Variants in AURKB observed in about 807,000 individuals in gnomAD.
AURKB encodes aurora kinase B-Sv1.
A neutral mutation model predicts 36.5 loss-of-function variants in AURKB; 28 were observed. The ratio of observed to expected loss-of-function variants is 0.77; its 90% CI spans 0.57 to 1.05. The LOEUF (loss-of-function observed/expected upper bound fraction) is 1.05. Among genes scored for constraint, AURKB ranks in the 50% least tolerant of loss-of-function variants. The pLI, the probability that AURKB is intolerant of heterozygous loss-of-function variation, is 0.00. For missense variants in AURKB, 383 were observed against 447.4 expected (o/e 0.86, Z 1.30); for synonymous variants, 175 against 172.9 (o/e 1.01, Z -0.09).
rs774869004 is a variant in AURKB, at chr17:8,204,845, C to T, written c.*26G>A. On this transcript the variant is annotated 3_prime_UTR_variant, in exon 9 of 9. Transcript: ENST00000585124. ...ATACATACACAGACATACAAACACA[C>T]GCACCCGAGTGAATGACAGGGACCA... 33 of 1,610,792 alleles carry T rather than the reference C, an allele frequency of 2.0e-5. No homozygotes were observed. The highest frequency in any genetic ancestry group is 8.5e-5 in the Admixed American group (5 of 58,774).
chr17:8,210,273 G>T, intron 1 of AURKB, 24 bp from the exon 2 acceptor site: 1 of 1,485,524 alleles, frequency 6.7e-7, no homozygotes, highest in Non-Finnish European at 9.3e-7. Flanking sequence ...GGAAACAGCC[G>T]TGAGAAGCAG....
rs1248293412 is a variant in AURKB at position 8,206,708 on chromosome 17, T to A, written c.537+42A>T. On this transcript the variant is annotated intron_variant, in intron 6 of 8. Transcript: ENST00000585124. This position sits in a 1 kb window ranked among gnomAD's most constrained non-coding sequence, Gnocchi z 4.2. Reference sequence around the variant, plus strand: ...AGCTACAAGCAGCACACCCTCAGCCTCGAGCCCCCTACTGGCGCCCCAGGT... The same window carrying A: ...AGCTACAAGCAGCACACCCTCAGCCACGAGCCCCCTACTGGCGCCCCAGGT... 5.6e-6 allele frequency: 9 copies of A among 1,612,848 alleles called. No homozygotes were observed. The highest frequency in any genetic ancestry group is 1.7e-5 in the Admixed American group (1 of 59,996).
rs758063733 is a variant in AURKB, at chr17:8,204,957, G to A, written c.949C>T (p.Pro317Ser). Residue 317 changes from proline (P) to serine (S), a missense_variant, in exon 9 of 9, where the codon CCC becomes TCC. This residue lies in a region of AURKB where 219 missense variants were observed against 252.6 expected (regional missense o/e 0.87). Coordinates refer to ENST00000585124, the MANE Select transcript of AURKB (RefSeq NM_004217.4). ...LLRHNPSERL[P>S]LAQVSAHPWV... is the part of the protein sequence containing the mutation. ...GGGTGGGCTGAGACCTGGGCCAGGGGCAGCCGTTCCGAGGGGTTATGCCTG... is the reference window on the plus strand; with the variant it reads ...GGGTGGGCTGAGACCTGGGCCAGGGACAGCCGTTCCGAGGGGTTATGCCTG... The A allele has an allele frequency of 6.2e-7, 1 of 1,610,254 alleles. No individual in the cohort carries two copies.
chr17:8,205,420 T>C, intron 7 of AURKB, 30 bp from the exon 8 acceptor site: 1 of 1,608,588 alleles, frequency 6.2e-7, no homozygotes, highest in Non-Finnish European at 8.5e-7. Context: ...TGGGCAGGGG[T>C]CCTAGTGACA....
intron 1 of AURKB, 53 bp downstream of exon 1, chr17:8,210,477 C>G (rs1985955872): frequency 1.9e-6 from 1 of 530,762 alleles, no homozygotes; most frequent in Non-Finnish European, 3.3e-6. Flanking sequence ...CTCTGATCTA[C>G]CTGATCATCT....
chr17:8,210,144 A>G (rs1364260545), intron 2 of AURKB, 33 bp downstream of exon 2: 1 of 1,612,180 alleles, frequency 6.2e-7, no homozygotes, highest in African/African-American at 1.3e-5. Flanking sequence ...ATGCGGGGTC[A>G]TGGGGGCGCA....
At position 8,207,727 on chromosome 17, in the gene AURKB, G is replaced by A; in HGVS notation, c.151+11C>T. 1.9e-6 allele frequency: 3 copies of A among 1,613,984 alleles called. No homozygotes were observed. The highest frequency in any genetic ancestry group is 1.1e-5 in the South Asian group (1 of 91,080). On this transcript the variant is annotated intron_variant, in intron 3 of 8. Transcript: ENST00000585124. ...TCCCCAGCTCAGTCCTCTCCCCCTT[G>A]CGCCAGTTACCTGTGGGCTGGACAT...
At chr17:8,208,620 ATAAATAAATAAAAAAT>A (rs1266057156) in intron 2 of AURKB, among the ~76,000 whole-genome samples, 5 of 148,562 alleles carry the variant, frequency 3.4e-5, no homozygotes, top group African/African-American at 1.0e-4. Flanking sequence ...AAATAAATAA[ATAAATAAATAAAAAAT>A]AAATAACCTA....
chr17:8,205,263 G>C lies in AURKB; in HGVS notation c.814C>G (p.Pro272Ala). The change falls in exon 8 of 9, where the codon CCC becomes GCC. Residue 272 changes from proline to alanine, a missense_variant. Coordinates refer to ENST00000585124, the MANE Select transcript of AURKB (RefSeq NM_004217.4). The part of the protein sequence containing the change: ...LCYELLVGNP[P>A]FESASHNETY... Reference sequence around the variant, plus strand: ...TCGTTGTGTGATGCACTCTCAAAGGGTGGGTTCCCCACCAGCAGCTCATAG... The same window carrying C: ...TCGTTGTGTGATGCACTCTCAAAGGCTGGGTTCCCCACCAGCAGCTCATAG... The C allele has an allele frequency of 1.2e-6, 2 of 1,614,150 alleles. No individual in the cohort carries two copies. Among genetic ancestry groups the C allele is most frequent in the Non-Finnish European group, 1.7e-6 (2 of 1,180,020 alleles).
In AURKB at chr17:8,205,407, G is replaced by A. The variant is rs1389585894; in HGVS notation, c.687-17C>T. Reference sequence around the variant, plus strand: ...GTCTTCCTCCTGGGAGGGATAAGGGGCGTGGGCAGGGGTCCTAGTGACATA... The same window carrying A: ...GTCTTCCTCCTGGGAGGGATAAGGGACGTGGGCAGGGGTCCTAGTGACATA... On this transcript the variant is annotated splice_polypyrimidine_tract_variant and intron_variant, in intron 7 of 8. Coordinates refer to ENST00000585124, the MANE Select transcript of AURKB (RefSeq NM_004217.4). The A allele has an allele frequency of 1.9e-6, 3 of 1,612,742 alleles. No homozygotes were observed. The highest frequency in any genetic ancestry group is 2.2e-5 in the South Asian group (2 of 90,958).
In AURKB at chr17:8,207,751, A is replaced by G. The variant is rs1212992527; in HGVS notation, c.138T>C (p.Asn46=). 8.7e-6 allele frequency: 14 copies of G among 1,613,950 alleles called. No individual in the cohort carries two copies. In the East Asian group the frequency reaches 2.0e-4, roughly 23 times the overall value. ...PSALVLMSRS[N]VQPTAAPGQK... is the part of the protein sequence containing the mutation. ...TGCGCCAGTTACCTGTGGGCTGGAC[A>G]TTGGAGCGGCTCATGAGGACAAGTG... The change falls in exon 3 of 9, where the codon AAT becomes AAC. Residue 46 remains asparagine (N), a synonymous_variant. Transcript: ENST00000585124.
chr17:8,205,533 G>C lies in AURKB; in HGVS notation c.687-143C>G. 7.0e-6 allele frequency: 7 copies of C among 1,003,780 alleles called. No individual in the cohort carries two copies. In the South Asian group the frequency reaches 1.1e-4, roughly 16 times the overall value. The allele number at this position is 1,003,780 out of a possible 1,614,324, so 62.2% of individuals were successfully genotyped here. A position where few individuals can be genotyped will look rare whatever the true frequency, so the allele number is the denominator to read the frequency against. ...AGGCAAGGCCACTGGAGTGGGGGTG[G>C]GGTTGGGGTGATGATATATCCCAAA... On this transcript the variant is annotated intron_variant, in intron 7 of 8. Transcript: ENST00000585124.
At chr17:8,207,147 G>A (rs1489517713) in intron 5 of AURKB, 29 bp downstream of exon 5, 1 of 1,597,218 alleles carries the variant, frequency 6.3e-7, no homozygotes, top group Non-Finnish European at 8.6e-7. Flanking sequence ...GAGCAGAGGG[G>A]CTTCGGCTCA....
At chr17:8,209,944 A>T (rs1213441779) in intron 2 of AURKB, 1 of 606,366 alleles carries the variant, frequency 1.6e-6, no homozygotes, top group Non-Finnish European at 2.9e-6. Flanking sequence ...AGCCCTGCAG[A>T]GGTCCTCACC....
intron 4 of AURKB, 61 bp from the exon 5 acceptor site, chr17:8,207,428 T>A (rs1985477681): frequency 1.3e-6 from 2 of 1,578,276 alleles, no homozygotes; most frequent in Non-Finnish European, 1.7e-6. Context: ...AGGTTTGCTT[T>A]CTCTCTGCTT....
chr17:8,209,919 C>G lies in AURKB; in HGVS notation c.48+258G>C. On this transcript the variant is annotated intron_variant, in intron 2 of 8. Coordinates refer to ENST00000585124, the MANE Select transcript of AURKB (RefSeq NM_004217.4). ...GCCCTGCCTGCTCAGTCCCAGATAT[C>G]ATTTGTATGTGACGAGCCCTGCAGA... 5.3e-6 allele frequency: 3 copies of G among 566,898 alleles called. No homozygotes were observed. In the South Asian group the frequency reaches 6.3e-5, roughly 12 times the overall value. 35.1% of individuals were successfully genotyped at this position (566,898 alleles called of 1,614,324 possible).
At chr17:8,209,544 C>T (rs574188598) in intron 2 of AURKB, among the ~76,000 whole-genome samples, 8 of 152,234 alleles carry the variant, frequency 5.3e-5, no homozygotes, top group African/African-American at 1.9e-4. Context: ...GAAGAAAGCC[C>T]CTAGGCCCCA....
rs762133012 is a variant in AURKB at position 8,207,855 on chromosome 17, G to C, written c.49-15C>G. 25 of 1,600,720 alleles carry C rather than the reference G, an allele frequency of 1.6e-5. No individual in the cohort carries two copies. The highest frequency in any genetic ancestry group is 1.7e-4 in the Middle Eastern group (1 of 5,946). ...CCAGATGGAGCCTGAGAAGGAGCAG[G>C]GGGTAGCTCTGAGGGTGCCTTTGTC... On this transcript the variant is annotated splice_polypyrimidine_tract_variant and intron_variant, in intron 2 of 8. Coordinates refer to ENST00000585124, the MANE Select transcript of AURKB (RefSeq NM_004217.4).
intron 7 of AURKB, among the ~76,000 whole-genome samples, chr17:8,205,810 C>T (rs1417769670): frequency 1.3e-5 from 2 of 151,728 alleles, no homozygotes; most frequent in Admixed American, 6.6e-5. Context: ...TGCAGTGGGG[C>T]GATCTTGGCT....
Sources: gnomAD v4.1 joint callset for allele counts (sites outside exome capture counted in the v4.1 genomes callset) on GRCh38, gnomAD v4.1.1 for gene constraint, gnomAD v4.1.1 regional missense constraint, Gnocchi (gnomAD v3.1) non-coding constraint, MANE v1.5 for transcripts, NCBI Gene and HGNC (gene_info 2026-07-23, HGNC 2026-07-21) for gene names.